CRMP1: variants seen among roughly 807,000 people sequenced by gnomAD.
CRMP1 encodes dihydropyrimidinase-related protein 1.
Under a neutral mutation model 68.3 loss-of-function variants are expected in CRMP1, and 19 were observed. The observed-to-expected ratio is 0.28, with a 90% CI of 0.19 to 0.41. The LOEUF (loss-of-function observed/expected upper bound fraction) is 0.41. CRMP1 is among the 10% of genes least tolerant of loss of function. The pLI, the probability that CRMP1 is intolerant of heterozygous loss-of-function variation, is 1.00. For synonymous variants in CRMP1, 439 were observed against 399.6 expected, an observed-to-expected ratio of 1.10 and a Z score of -1.18; for missense variants, 791 against 967.4, an observed-to-expected ratio of 0.82 and a Z score of 2.42.
chr4:5,881,747 T>C lies in CRMP1; in HGVS notation c.381+10842A>G, dbSNP rs866421159. Among the ~76,000 whole-genome samples the C allele has an allele frequency of 6.6e-6, 1 of 152,162 alleles. No individual in the cohort carries two copies. Among genetic ancestry groups the C allele is most frequent in the African/African-American group, 2.4e-5 (1 of 41,430 alleles). On this transcript the variant is annotated intron_variant, in intron 1 of 13. Transcript: ENST00000324989. This position sits in a 1 kb window ranked among gnomAD's most constrained non-coding sequence, Gnocchi z 4.6. Reference sequence around the variant, plus strand: ...GACTTGGTTGTAGCAAACATAAATTTTAAACGCTGATCAAAATTTAGCCAC... The same window carrying C: ...GACTTGGTTGTAGCAAACATAAATTCTAAACGCTGATCAAAATTTAGCCAC...
At chr4:5,849,919 T>C (rs1712498181) in intron 5 of CRMP1, among the ~76,000 whole-genome samples, 1 of 152,190 alleles carries the variant, frequency 6.6e-6, no homozygotes, top group Non-Finnish European at 1.5e-5. Flanking sequence ...TATGTGTGCA[T>C]CCTTACAAAA....
intron 11 of CRMP1, among the ~76,000 whole-genome samples, chr4:5,832,720 A>G (rs1720461930): frequency 6.6e-6 from 1 of 152,172 alleles, no homozygotes; most frequent in South Asian, 2.1e-4. Flanking sequence ...CTTGCCTCAC[A>G]CAGAGAGGGG....
chr4:5,871,716 G>A (rs1714467898), intron 1 of CRMP1, among the ~76,000 whole-genome samples: 1 of 152,162 alleles, frequency 6.6e-6, no homozygotes, highest in Non-Finnish European at 1.5e-5. Context: ...CAGAAGCAAT[G>A]ATGTCTTTAT....
Position 5,821,782 on chromosome 4 carries a change from G to C in CRMP1, c.2039C>G (p.Ser680Cys), listed in dbSNP as rs770211777. ...CGTTCAACCGAGGCTGGTGATGTTG[G>C]AGCGGCCACCAGGGGGCGCCACGAT... is the stretch of plus-strand genomic sequence containing the variant. ...HRIVAPPGGR[S>C]NITSLG is the part of the protein sequence containing the mutation. Residue 680 changes from serine (S) to cysteine (C), a missense_variant, in exon 14 of 14, where the codon TCC (serine) becomes TGC (cysteine). Around this residue, in one of 3 missense-constraint regions of CRMP1, gnomAD observed 594 missense variants for 763.6 expected, o/e 0.78. Transcript: ENST00000324989. The surrounding 1 kb of genome is among the most constrained non-coding windows in gnomAD (Gnocchi z 4.4). 40 of 1,611,104 alleles carry C rather than the reference G, an allele frequency of 2.5e-5. No homozygotes were observed. Among genetic ancestry groups the C allele is most frequent in the Non-Finnish European group, 3.1e-5 (37 of 1,178,830 alleles).
chr4:5,876,830 C>T (rs1054838372), intron 1 of CRMP1, among the ~76,000 whole-genome samples: 3 of 150,358 alleles, frequency 2.0e-5, no homozygotes, highest in Non-Finnish European at 3.0e-5. Context: ...AAATTCCCAT[C>T]GGGGCTTTTA....
In CRMP1 at chr4:5,890,464, A is replaced by G. The variant is rs1715891965; in HGVS notation, c.381+2125T>C. 6.6e-6 allele frequency among the ~76,000 whole-genome samples: 1 copy of G among 152,206 alleles called. No homozygotes were observed. Among genetic ancestry groups the G allele is most frequent in the Non-Finnish European group, 1.5e-5 (1 of 68,026 alleles). On this transcript the variant is annotated intron_variant, in intron 1 of 13. Coordinates refer to ENST00000324989, the MANE Select transcript of CRMP1 (RefSeq NM_001014809.3). This position sits in a 1 kb window ranked among gnomAD's most constrained non-coding sequence, Gnocchi z 5.5. ...CGGGGCACCCGTTGCGAAGCCCTGGAGCGGTGAGGCCCGCCCCGGAACCCG... is the reference window on the plus strand; with the variant it reads ...CGGGGCACCCGTTGCGAAGCCCTGGGGCGGTGAGGCCCGCCCCGGAACCCG...
rs779695928 is a variant in CRMP1, at chr4:5,839,499, C to G, written c.1310+23G>C. The G allele has an allele frequency of 3.8e-6, 6 of 1,590,930 alleles. No individual in the cohort carries two copies. In the African/African-American group the frequency reaches 8.0e-5, roughly 21 times the overall value. ...CAAAGGCCCCAGCTGCCTCCCCCAG[C>G]CCCACGTTCTCACAGGTCTCACCAG... On this transcript the variant is annotated intron_variant, in intron 9 of 13. Transcript: ENST00000324989.
At chr4:5,848,402 A>T (rs1712382426) in intron 6 of CRMP1, among the ~76,000 whole-genome samples, 1 of 152,204 alleles carries the variant, frequency 6.6e-6, no homozygotes, top group Non-Finnish European at 1.5e-5. Context: ...CATGTTGGCC[A>T]GGCTGGTCTC....
chr4:5,891,870 G>A lies in CRMP1; in HGVS notation c.381+719C>T, dbSNP rs1715966034. Reference sequence around the variant, plus strand: ...CCCGGCCCCATGCTCAGGTCCGGGAGGCCAGAGACCCCAGTTCAAATCCCA... The same window carrying A: ...CCCGGCCCCATGCTCAGGTCCGGGAAGCCAGAGACCCCAGTTCAAATCCCA... On this transcript the variant is annotated intron_variant, in intron 1 of 13. Coordinates refer to ENST00000324989, the MANE Select transcript of CRMP1 (RefSeq NM_001014809.3). This position sits in a 1 kb window ranked among gnomAD's most constrained non-coding sequence, Gnocchi z 5.2. Among the ~76,000 whole-genome samples, 1 of 152,156 alleles carries A rather than the reference G, an allele frequency of 6.6e-6. No individual in the cohort carries two copies. Among genetic ancestry groups the A allele is most frequent in the Non-Finnish European group, 1.5e-5 (1 of 68,032 alleles).
rs1238171306 is a variant in CRMP1, at chr4:5,854,715, T to C, written c.820+1428A>G. Among the ~76,000 whole-genome samples the C allele has an allele frequency of 6.6e-6, 1 of 152,110 alleles. No individual in the cohort carries two copies. The highest frequency in any genetic ancestry group is 2.4e-5 in the African/African-American group (1 of 41,414). On this transcript the variant is annotated intron_variant, in intron 4 of 13. Coordinates refer to ENST00000324989, the MANE Select transcript of CRMP1 (RefSeq NM_001014809.3). The surrounding 1 kb of genome is among the most constrained non-coding windows in gnomAD (Gnocchi z 4.0). The stretch of plus-strand genomic sequence containing the variant: ...ATGGTGGTGTCTTTCACCCATCGAA[T>C]CGGCAAGGATTTCATAGAAGCAATA...
In CRMP1 at chr4:5,861,447, G is replaced by A. The variant is rs373548241; in HGVS notation, c.471-237C>T. 6.6e-6 allele frequency among the ~76,000 whole-genome samples: 1 copy of A among 152,176 alleles called. No homozygotes were observed. Among genetic ancestry groups the A allele is most frequent in the Non-Finnish European group, 1.5e-5 (1 of 68,046 alleles). Reference sequence around the variant, plus strand: ...GTATAGCAGAGATGATCGGGGGCACGAGGAGGGGCCCTTTCATCCAGTCTC... The same window carrying A: ...GTATAGCAGAGATGATCGGGGGCACAAGGAGGGGCCCTTTCATCCAGTCTC... On this transcript the variant is annotated intron_variant, in intron 2 of 13. Transcript: ENST00000324989. The surrounding 1 kb of genome is among the most constrained non-coding windows in gnomAD (Gnocchi z 6.0).
chr4:5,861,167 T>A lies in CRMP1; in HGVS notation c.514A>T (p.Ile172Phe), dbSNP rs1419888417. 1.2e-6 allele frequency: 2 copies of A among 1,614,094 alleles called. No homozygotes were observed. The highest frequency in any genetic ancestry group is 1.7e-6 in the Non-Finnish European group (2 of 1,180,044). Reference protein sequence around the residue: ...NLIVPGGVKTIEANGRMVIPG... With the variant: ...NLIVPGGVKTFEANGRMVIPG... ...ATAACCATCCGCCCGTTGGCTTCAA[T>A]GGTCTTCACTCCACCAGGAACGATT... Residue 172 changes from isoleucine to phenylalanine, a missense_variant, in exon 3 of 14, where the codon ATT becomes TTT. By Grantham distance (21) the Ile-to-Phe change is conservative. Coordinates refer to ENST00000324989, the MANE Select transcript of CRMP1 (RefSeq NM_001014809.3). The surrounding 1 kb of genome is among the most constrained non-coding windows in gnomAD (Gnocchi z 6.0).
chr4:5,852,052 G>T (rs374247497), intron 4 of CRMP1, among the ~76,000 whole-genome samples: 4 of 152,220 alleles, frequency 2.6e-5, no homozygotes, highest in South Asian at 4.1e-4. Context: ...GAGGGGTGTG[G>T]TAAGGATAAG....
intron 13 of CRMP1, chr4:5,824,706 A>G (rs1577721145): frequency 1.4e-5 from 14 of 977,628 alleles, no homozygotes; most frequent in Admixed American, 6.2e-5. Flanking sequence ...TACAAAGCCT[A>G]AAGTATTTAC....
Position 5,853,976 on chromosome 4 carries a change from C to T in CRMP1, c.820+2167G>A, listed in dbSNP as rs768823190. ...GGTGACCCAGCCCAGATGCGCACAG[C>T]ACAGGGCTCCCTGGATGCCTGCAGG... On this transcript the variant is annotated intron_variant, in intron 4 of 13. Transcript: ENST00000324989. This position sits in a 1 kb window ranked among gnomAD's most constrained non-coding sequence, Gnocchi z 4.7. Among the ~76,000 whole-genome samples the T allele has an allele frequency of 1.2e-4, 18 of 152,228 alleles. No individual in the cohort carries two copies. Among genetic ancestry groups the T allele is most frequent in the Admixed American group, 2.0e-4 (3 of 15,288 alleles).
chr4:5,878,060 G>C (rs1714966008), intron 1 of CRMP1, among the ~76,000 whole-genome samples: 1 of 152,234 alleles, frequency 6.6e-6, no homozygotes, highest in African/African-American at 2.4e-5. Flanking sequence ...TTAAGGATCA[G>C]TTCTGCATTA....
At position 5,866,657 on chromosome 4, in the gene CRMP1, G is replaced by A. The variant is rs554033519; in HGVS notation, c.470+11C>T. 1.9e-6 allele frequency: 3 copies of A among 1,606,412 alleles called. No homozygotes were observed. The highest frequency in any genetic ancestry group is 2.2e-5 in the East Asian group (1 of 44,804). On this transcript the variant is annotated intron_variant, in intron 2 of 13. Coordinates refer to ENST00000324989, the MANE Select transcript of CRMP1 (RefSeq NM_001014809.3). The surrounding 1 kb of genome is among the most constrained non-coding windows in gnomAD (Gnocchi z 5.9). ...ACAGGTTTCTTAAAAGGTCCGTTTT[G>A]ATCAACCCACTTGATAAGTCCATCC...
In CRMP1 at chr4:5,876,410, C is replaced by T. The variant is rs553416208; in HGVS notation, c.382-9654G>A. Among the ~76,000 whole-genome samples the T allele has an allele frequency of 5.9e-5, 9 of 152,102 alleles. 1 individual carries two copies. Among genetic ancestry groups the T allele is most frequent in the South Asian group, 2.1e-4 (1 of 4,814 alleles). On this transcript the variant is annotated intron_variant, in intron 1 of 13. Transcript: ENST00000324989. ...TGTCAACATAGGGTCTCAGAGGCCACGCAAATTCAGATGAGGTTACCTGAT... is the reference window on the plus strand; with the variant it reads ...TGTCAACATAGGGTCTCAGAGGCCATGCAAATTCAGATGAGGTTACCTGAT...
rs1464219936 is a variant in CRMP1 at position 5,881,098 on chromosome 4, C to T, written c.381+11491G>A. 1.3e-5 allele frequency among the ~76,000 whole-genome samples: 2 copies of T among 152,234 alleles called. No homozygotes were observed. On this transcript the variant is annotated intron_variant, in intron 1 of 13. Coordinates refer to ENST00000324989, the MANE Select transcript of CRMP1 (RefSeq NM_001014809.3). The surrounding 1 kb of genome is among the most constrained non-coding windows in gnomAD (Gnocchi z 4.6). ...CAGCTGATACAAAGGCAGAGGGCCACACATGGTGTGCCAGGTCAAGGCGAA... is the reference window on the plus strand; with the variant it reads ...CAGCTGATACAAAGGCAGAGGGCCATACATGGTGTGCCAGGTCAAGGCGAA...
Sources: gnomAD v4.1 joint callset for allele counts (sites outside exome capture counted in the v4.1 genomes callset) on GRCh38, gnomAD v4.1.1 for gene constraint, gnomAD v4.1.1 regional missense constraint, Gnocchi (gnomAD v3.1) non-coding constraint, MANE v1.5 for transcripts, NCBI Gene and HGNC (gene_info 2026-07-23, HGNC 2026-07-21) for gene names.